LARGE1: variants seen among roughly 807,000 people sequenced by gnomAD.
LARGE1 encodes xylosyl- and glucuronyltransferase LARGE1.
LARGE1 carries 43 observed loss-of-function variants against 87.6 expected under a neutral mutation model. That is an observed-to-expected ratio of 0.49 (90% CI 0.38 to 0.63). The LOEUF (loss-of-function observed/expected upper bound fraction) is 0.63, where lower values mean the gene tolerates loss of function less well. Among genes scored for constraint, LARGE1 ranks in the 30% least tolerant of loss-of-function variants. LARGE1 has a pLI of 0.00. For synonymous variants in LARGE1, 434 were observed against 394.6 expected, an observed-to-expected ratio of 1.10 and a Z score of -1.18; for missense variants, 802 against 1,000.2, an observed-to-expected ratio of 0.80 and a Z score of 2.67.
intron 1 of LARGE1, among the ~76,000 whole-genome samples, chr22:33,894,713 C>T (rs2065087787): frequency 6.6e-6 from 1 of 150,756 alleles, no homozygotes. Context: ...AGGTCACACA[C>T]ATGTGTGTGA....
At chr22:33,640,681 C>T (rs2080401390) in intron 3 of LARGE1, among the ~76,000 whole-genome samples, 2 of 152,188 alleles carry the variant, frequency 1.3e-5, no homozygotes, top group Non-Finnish European at 2.9e-5. Context: ...CTAAGAAACA[C>T]TGGCTTGAAA....
chr22:33,593,739 T>G (rs1353865332), intron 5 of LARGE1, among the ~76,000 whole-genome samples: 1 of 152,230 alleles, frequency 6.6e-6, no homozygotes, highest in Non-Finnish European at 1.5e-5. Context: ...AAAATACTGA[T>G]CTCAGGTTGA....
At chr22:33,514,636 C>A (rs1447071158) in intron 6 of LARGE1, among the ~76,000 whole-genome samples, 1 of 152,096 alleles carries the variant, frequency 6.6e-6, no homozygotes, top group Non-Finnish European at 1.5e-5. Context: ...GGAACTTGAG[C>A]ATTGCTACAT....
At chr22:33,541,395 C>A (rs989511753) in intron 6 of LARGE1, among the ~76,000 whole-genome samples, 7 of 151,922 alleles carry the variant, frequency 4.6e-5, no homozygotes, top group Non-Finnish European at 1.5e-5. Flanking sequence ...ATTATGATCC[C>A]AATTTTATAA....
chr22:33,490,825 G>A (rs762663330), intron 6 of LARGE1, among the ~76,000 whole-genome samples: 2 of 152,182 alleles, frequency 1.3e-5, no homozygotes, highest in African/African-American at 4.8e-5. Context: ...GCTCTTCGCC[G>A]GTGACCATGA....
intron 6 of LARGE1, among the ~76,000 whole-genome samples, chr22:33,495,527 T>A (rs1261258407): frequency 1.3e-5 from 2 of 152,126 alleles, no homozygotes; most frequent in African/African-American, 2.4e-5. Context: ...GAGACCAGCC[T>A]GACAGACATG....
chr22:33,089,476 C>T, the LARGE1 span, among the ~76,000 whole-genome samples: 39,117 of 90,370 alleles, frequency 0.43, 6,132 homozygotes, highest in Non-Finnish European at 0.45. Flanking sequence ...CTTCTTCTTC[C>T]TCTTCCTCTT....
At chr22:33,408,558 T>C (rs1450168561) in intron 7 of LARGE1, among the ~76,000 whole-genome samples, 1 of 152,188 alleles carries the variant, frequency 6.6e-6, no homozygotes, top group African/African-American at 2.4e-5. Flanking sequence ...AGTGATTCCA[T>C]CTTGATCCTG....
chr22:33,555,525 G>A (rs1367718127), intron 6 of LARGE1, among the ~76,000 whole-genome samples: 1 of 152,166 alleles, frequency 6.6e-6, no homozygotes, highest in African/African-American at 2.4e-5. Flanking sequence ...AGACTCGAAG[G>A]GCTGGGATTA....
At chr22:33,428,458 C>A (rs924172522) in intron 7 of LARGE1, among the ~76,000 whole-genome samples, 1 of 151,250 alleles carries the variant, frequency 6.6e-6, no homozygotes. Flanking sequence ...GGATTACAGG[C>A]ACACACCACC....
intron 6 of LARGE1, among the ~76,000 whole-genome samples, chr22:33,498,590 T>A (rs1346840138): frequency 6.6e-6 from 1 of 152,228 alleles, no homozygotes; most frequent in Non-Finnish European, 1.5e-5. Context: ...CTGATTTAAT[T>A]TTCAGAACAA....
Position 33,254,235 on chromosome 22 carries a change from G to A in LARGE1, c.1730+49994C>T, listed in dbSNP as rs182204864. Among the ~76,000 whole-genome samples, 692 of 152,314 alleles carry A rather than the reference G, an allele frequency of 4.5e-3. 1 individual carries two copies. Among genetic ancestry groups the A allele is most frequent in the Non-Finnish European group, 7.7e-3 (521 of 68,024 alleles). ...GGTTTTTGGCCTGGGGAAGCTGGAG[G>A]TGGGCTAACTAGAAATGGGACATGG... On this transcript the variant is annotated intron_variant, in intron 11 of 11. Coordinates refer to the LARGE1 transcript ENST00000608642.
intron 2 of LARGE1, chr22:33,727,481 C>T (rs2083306186): frequency 6.6e-6 from 1 of 152,154 alleles, no homozygotes; most frequent in Non-Finnish European, 1.5e-5. Flanking sequence ...TTTCTCTCAC[C>T]ACCCTACAGC....
intron 1 of LARGE1, among the ~76,000 whole-genome samples, chr22:33,851,656 A>G (rs1373991333): frequency 1.3e-5 from 2 of 152,252 alleles, no homozygotes; most frequent in African/African-American, 4.8e-5. Flanking sequence ...ACACTACAAC[A>G]GGCAGAATTT....
chr22:33,069,238 G>A, the LARGE1 span, among the ~76,000 whole-genome samples: 1 of 152,086 alleles, frequency 6.6e-6, no homozygotes, highest in Non-Finnish European at 1.5e-5. Flanking sequence ...CATAATGAAG[G>A]CAATGAAGCA....
chr22:33,361,823 T>C (rs925413107), intron 9 of LARGE1, among the ~76,000 whole-genome samples: 2 of 145,872 alleles, frequency 1.4e-5, no homozygotes, highest in African/African-American at 2.5e-5. Context: ...GCAGACTCTA[T>C]TGGAATTTTC....
chr22:33,541,241 T>C (rs2148641379), intron 6 of LARGE1, among the ~76,000 whole-genome samples: 1 of 148,184 alleles, frequency 6.7e-6, no homozygotes, highest in Non-Finnish European at 1.5e-5. Flanking sequence ...GAGAGGTTAA[T>C]TGGATCACCA....
intron 6 of LARGE1, among the ~76,000 whole-genome samples, chr22:33,515,972 G>A (rs2071284113): frequency 6.6e-6 from 1 of 152,200 alleles, no homozygotes; most frequent in Admixed American, 6.5e-5. Context: ...GTCCGGGAGT[G>A]AGCAACGCCA....
intron 6 of LARGE1, among the ~76,000 whole-genome samples, chr22:33,477,595 C>T (rs929760183): frequency 8.5e-5 from 13 of 152,126 alleles, no homozygotes; most frequent in African/African-American, 2.4e-4. Context: ...CACAACTCCC[C>T]CCAGCCATGC....
Sources: allele counts gnomAD v4.1 joint callset (sites outside exome capture counted in the v4.1 genomes callset), GRCh38; gene constraint gnomAD v4.1.1; transcripts MANE v1.5; gene names NCBI Gene and HGNC (gene_info 2026-07-23, HGNC 2026-07-21).